CDH13: variants seen among roughly 807,000 people sequenced by gnomAD.
CDH13 encodes cadherin 13, also known as cadherin-13.
In CDH13, 24 loss-of-function variants were observed where a neutral mutation model predicts 63.8. The ratio of observed to expected loss-of-function variants is 0.38; its 90% CI spans 0.27 to 0.53. The LOEUF (loss-of-function observed/expected upper bound fraction) is 0.53. CDH13 is among the 20% of genes least tolerant of loss of function. The probability of loss-of-function intolerance (pLI) is 0.85; values close to 1 mark genes in which losing one functional copy is unlikely to be tolerated. For synonymous variants in CDH13, 503 were observed against 355.3 expected, an observed-to-expected ratio of 1.42 and a Z score of -4.67; for missense variants, 1,049 against 903.1, an observed-to-expected ratio of 1.16 and a Z score of -2.07.
chr16:83,618,236 G>A (rs1230453183), intron 8 of CDH13, among the ~76,000 whole-genome samples: 1 of 151,986 alleles, frequency 6.6e-6, no homozygotes, highest in Non-Finnish European at 1.5e-5. Context: ...ACCAGCCTGG[G>A]CAACATAGTG....
chr16:83,496,678 A>C (rs1231322847), intron 7 of CDH13, among the ~76,000 whole-genome samples: 1 of 152,378 alleles, frequency 6.6e-6, no homozygotes, highest in East Asian at 1.9e-4. Context: ...AATTAAACGA[A>C]AGAGCTTCTG....
chr16:83,490,923 T>C (rs984779931), intron 7 of CDH13, among the ~76,000 whole-genome samples: 3 of 152,188 alleles, frequency 2.0e-5, no homozygotes, highest in Non-Finnish European at 4.4e-5. Context: ...GGATTTCTGT[T>C]CTCTCTCTCT....
intron 5 of CDH13, among the ~76,000 whole-genome samples, chr16:83,328,510 T>C (rs9923294): frequency 0.39 from 59,596 of 151,722 alleles, 12,081 homozygotes; most frequent in Admixed American, 0.46. Context: ...CCAATTTACG[T>C]ATTCAAAGAT....
chr16:83,196,376 G>T lies in CDH13; in HGVS notation c.484-20969G>T, dbSNP rs114323199. 3.7e-3 allele frequency among the ~76,000 whole-genome samples: 566 copies of T among 152,294 alleles called. 4 individuals are homozygous for T. Among genetic ancestry groups the T allele is most frequent in the African/African-American group, 0.013 (549 of 41,574 alleles). On this transcript the variant is annotated intron_variant, in intron 4 of 13. Coordinates refer to ENST00000567109, the MANE Select transcript of CDH13 (RefSeq NM_001257.5). The stretch of plus-strand genomic sequence containing the variant: ...AAAAATCTTAGGGATCTAAGGCTAG[G>T]CAGAGTTCTTATACTTGTCACAAAC...
intron 6 of CDH13, among the ~76,000 whole-genome samples, chr16:83,362,033 T>G (rs2091171782): frequency 6.6e-6 from 1 of 152,200 alleles, no homozygotes; most frequent in African/African-American, 2.4e-5. Flanking sequence ...TCTGTTTTTG[T>G]GTTTATCTCA....
intron 10 of CDH13, among the ~76,000 whole-genome samples, chr16:83,746,945 A>G (rs1247664633): frequency 1.3e-5 from 2 of 152,220 alleles, no homozygotes; most frequent in African/African-American, 4.8e-5. Flanking sequence ...CCATTATCCA[A>G]AGTCAAAACC....
chr16:83,281,228 T>G (rs2089163045), intron 5 of CDH13, among the ~76,000 whole-genome samples: 1 of 152,252 alleles, frequency 6.6e-6, no homozygotes, highest in African/African-American at 2.4e-5. Context: ...AGCTTCTATA[T>G]CAGCACTCGC....
At chr16:83,121,796 A>G (rs2035589073) in intron 3 of CDH13, among the ~76,000 whole-genome samples, 1 of 152,216 alleles carries the variant, frequency 6.6e-6, no homozygotes, top group African/African-American at 2.4e-5. Context: ...ATGTGCATTC[A>G]TAAAGCTCTC....
At chr16:83,028,815 G>T (rs1228899317) in intron 2 of CDH13, among the ~76,000 whole-genome samples, 1 of 152,152 alleles carries the variant, frequency 6.6e-6, no homozygotes, top group South Asian at 2.1e-4. Context: ...ATCTGGAATT[G>T]AAGAAAGCCA....
At chr16:83,487,424 G>T (rs1465520290) in intron 7 of CDH13, among the ~76,000 whole-genome samples, 1 of 152,170 alleles carries the variant, frequency 6.6e-6, no homozygotes, top group Non-Finnish European at 1.5e-5. Context: ...TGCTCCAGTG[G>T]ATCCAGGGTC....
chr16:82,907,571 G>A (rs1163019022), intron 2 of CDH13, among the ~76,000 whole-genome samples: 1 of 152,174 alleles, frequency 6.6e-6, no homozygotes, highest in Non-Finnish European at 1.5e-5. Flanking sequence ...AACAGTCCAT[G>A]CTTGCAATTC....
At chr16:83,266,162 T>A (rs886143291) in intron 5 of CDH13, among the ~76,000 whole-genome samples, 5 of 152,112 alleles carry the variant, frequency 3.3e-5, no homozygotes. Flanking sequence ...GGTCTCAAAC[T>A]CCTGACCTCA....
At chr16:82,838,504 T>C (rs970563776) in intron 1 of CDH13, among the ~76,000 whole-genome samples, 5 of 152,202 alleles carry the variant, frequency 3.3e-5, no homozygotes, top group African/African-American at 1.2e-4. Flanking sequence ...GAAAAAAGTT[T>C]TTAGAAAATG....
chr16:83,406,136 C>T (rs1052500870), intron 6 of CDH13, among the ~76,000 whole-genome samples: 1 of 152,178 alleles, frequency 6.6e-6, no homozygotes, highest in Non-Finnish European at 1.5e-5. Context: ...GGACAGGGGT[C>T]AGTGGATCAA....
intron 8 of CDH13, among the ~76,000 whole-genome samples, chr16:83,612,803 C>A (rs1442433860): frequency 6.6e-6 from 1 of 152,052 alleles, no homozygotes; most frequent in African/African-American, 2.4e-5. Flanking sequence ...ATTTGAGCTC[C>A]TTTTATCATC....
intron 1 of CDH13, chr16:82,829,786 C>T (rs918506376): frequency 6.6e-6 from 1 of 152,100 alleles, no homozygotes; most frequent in African/African-American, 2.4e-5. Context: ...CTGGCAAGCA[C>T]AAATAACCAG....
chr16:83,011,981 C>T (rs1426367992), intron 2 of CDH13, among the ~76,000 whole-genome samples: 5 of 151,954 alleles, frequency 3.3e-5, no homozygotes, highest in African/African-American at 1.2e-4. Flanking sequence ...TATTTCTCAC[C>T]CACTCTTTTT....
At position 83,575,109 on chromosome 16, in the gene CDH13, G is replaced by A. The variant is rs575863935; in HGVS notation, c.961-27345G>A. On this transcript the variant is annotated intron_variant, in intron 7 of 13. Transcript: ENST00000567109. ...GAGATGACGTATTTTTGTTGCTGAA[G>A]CCACCTGGCTTGTGGAACTTTGTTC... Among the ~76,000 whole-genome samples the A allele has an allele frequency of 1.6e-3, 247 of 152,288 alleles. 2 individuals are homozygous for A. Among genetic ancestry groups the A allele is most frequent in the African/African-American group, 5.7e-3 (236 of 41,560 alleles).
intron 4 of CDH13, among the ~76,000 whole-genome samples, chr16:83,129,182 G>A (rs546703620): frequency 3.9e-5 from 6 of 152,282 alleles, no homozygotes; most frequent in African/African-American, 1.4e-4. Flanking sequence ...GCAGGGAGAA[G>A]GGAAGGAAGA....
Sources: gnomAD v4.1 joint callset for allele counts (sites outside exome capture counted in the v4.1 genomes callset) on GRCh38, gnomAD v4.1.1 for gene constraint, MANE v1.5 for transcripts, NCBI Gene and HGNC (gene_info 2026-07-23, HGNC 2026-07-21) for gene names.